Variants in PLXNC1 observed in about 807,000 individuals in gnomAD.
PLXNC1 encodes plexin-C1.
A neutral mutation model predicts 178.2 loss-of-function variants in PLXNC1; 75 were observed. The observed-to-expected ratio is 0.42, with a 90% CI of 0.35 to 0.51. PLXNC1 has a LOEUF of 0.51. PLXNC1 is among the 20% of genes least tolerant of loss of function. The pLI, the probability that PLXNC1 is intolerant of heterozygous loss-of-function variation, is 0.02. For synonymous variants in PLXNC1, 790 were observed against 779.9 expected (o/e 1.01, Z -0.22); for missense variants, 1,503 against 1,984.4 (o/e 0.76, Z 4.61).
intron 11 of PLXNC1, among the ~76,000 whole-genome samples, chr12:94,243,063 G>A (rs751921974): frequency 1.3e-5 from 2 of 152,252 alleles, no homozygotes; most frequent in African/African-American, 4.8e-5. Context: ...GGGAGATCAC[G>A]CTTGGCTCGG....
At chr12:94,219,811 A>ATTTG in intron 5 of PLXNC1, among the ~76,000 whole-genome samples, 1 of 85,300 alleles carries the variant, frequency 1.2e-5, no homozygotes, top group East Asian at 2.6e-4. Context: ...ATTTTTATTT[A>ATTTG]TTTATTTATT....
At chr12:94,173,560 C>T (rs373537396) in intron 2 of PLXNC1, among the ~76,000 whole-genome samples, 1 of 152,156 alleles carries the variant, frequency 6.6e-6, no homozygotes, top group Non-Finnish European at 1.5e-5. Context: ...TCAATACTCT[C>T]ACCATCCCCA....
rs755389545 is a variant in PLXNC1 at position 94,149,241 on chromosome 12, G to A, written c.270G>A (p.Pro90=). 3 of 1,559,808 alleles carry A rather than the reference G, an allele frequency of 1.9e-6. No individual in the cohort carries two copies. Among genetic ancestry groups the A allele is most frequent in the Non-Finnish European group, 2.6e-6 (3 of 1,160,098 alleles). Residue 90 remains proline, a synonymous_variant, in exon 1 of 31, where the codon CCG becomes CCA. Transcript: ENST00000258526. ...YRDQAGNCTE[P]VSLAPPARPR... ...ACCAAGCGGGCAACTGCACAGAGCCGGTCTCGCTGGCGCCCCCCGCGCGGC... is the reference window on the plus strand; with the variant it reads ...ACCAAGCGGGCAACTGCACAGAGCCAGTCTCGCTGGCGCCCCCCGCGCGGC...
chr12:94,277,813 C>T, intron 21 of PLXNC1: 1 of 387,724 alleles, frequency 2.6e-6, no homozygotes, highest in South Asian at 1.9e-5. Flanking sequence ...AGCAGCCTGG[C>T]CCCGTGCTAA....
chr12:94,240,453 C>CA, intron 10 of PLXNC1, 32 bp from the exon 11 acceptor site: 1 of 1,556,226 alleles, frequency 6.4e-7, no homozygotes, highest in Non-Finnish European at 8.8e-7. Context: ...GTGTCTGTGT[C>CA]ATGTGAGAGT....
rs138565450 is a variant in PLXNC1, at chr12:94,165,730, G to T, written c.1063-3423G>T. On this transcript the variant is annotated intron_variant, in intron 1 of 30. Transcript: ENST00000258526. ...AATGTTTAAAAGTTGAAGGTCTGCGGCTCAGTGGTGTCTCCAGGAACATAG... is the reference window on the plus strand; with the variant it reads ...AATGTTTAAAAGTTGAAGGTCTGCGTCTCAGTGGTGTCTCCAGGAACATAG... Among the ~76,000 whole-genome samples the T allele has an allele frequency of 1.3e-3, 194 of 152,194 alleles. 3 individuals carry two copies. Among genetic ancestry groups the T allele is most frequent in the African/African-American group, 4.4e-3 (184 of 41,542 alleles).
At position 94,186,463 on chromosome 12, in the gene PLXNC1, T is replaced by G; in HGVS notation, c.1429T>G (p.Ser477Ala). The part of the protein sequence containing the change: ...ATDPHCGWCH[S>A]LQRCTFQGDC... ...AGACCCTCACTGCGGTTGGTGCCAT[T>G]CGCTACAAAGGTATCTCCTGAATTC... The change falls in exon 4 of 31, where the codon TCG becomes GCG. Residue 477 changes from serine to alanine, a missense_variant. Coordinates refer to ENST00000258526, the MANE Select transcript of PLXNC1 (RefSeq NM_005761.3). 1 of 1,609,354 alleles carries G rather than the reference T, an allele frequency of 6.2e-7. No homozygotes were observed. The highest frequency in any genetic ancestry group is 8.5e-7 in the Non-Finnish European group (1 of 1,175,656).
At chr12:94,275,068 G>A (rs987380839) in intron 21 of PLXNC1, among the ~76,000 whole-genome samples, 3 of 152,180 alleles carry the variant, frequency 2.0e-5, no homozygotes, top group Non-Finnish European at 2.9e-5. Context: ...CCCTCAGCTG[G>A]TGAGCAGCAG....
chr12:94,255,007 G>A (rs541929115), intron 16 of PLXNC1, 119 bp downstream of exon 16: 23 of 948,538 alleles, frequency 2.4e-5, no homozygotes, highest in Middle Eastern at 3.0e-4. Context: ...AGAAGGCAAC[G>A]GAAGGGCAGG....
intron 23 of PLXNC1, among the ~76,000 whole-genome samples, chr12:94,290,445 A>AAG (rs1426742112): frequency 2.0e-5 from 3 of 152,264 alleles, no homozygotes; most frequent in African/African-American, 7.2e-5. Flanking sequence ...AGAGCTCAGT[A>AAG]AGAGTTAAGA....
intron 2 of PLXNC1, among the ~76,000 whole-genome samples, chr12:94,179,067 G>A (rs986108162): frequency 9.9e-5 from 15 of 152,198 alleles, no homozygotes; most frequent in Admixed American, 9.8e-4. Flanking sequence ...GTCACTGATC[G>A]CAGGGCAAAG....
At chr12:94,227,023 C>CA (rs986942923) in intron 8 of PLXNC1, 126 bp from the exon 9 acceptor site, 5,003 of 581,504 alleles carry the variant, frequency 8.6e-3, no homozygotes, top group East Asian at 0.012. Flanking sequence ...GACTCCGTCT[C>CA]AAAAAAAAAA....
chr12:94,160,573 T>G (rs1381900248), intron 1 of PLXNC1, among the ~76,000 whole-genome samples: 5 of 152,076 alleles, frequency 3.3e-5, no homozygotes, highest in Non-Finnish European at 7.4e-5. Flanking sequence ...TTTTAAAAAT[T>G]GGATTCCGAG....
intron 30 of PLXNC1, 71 bp from the exon 31 acceptor site, chr12:94,305,110 C>G (rs1165466301): frequency 2.3e-6 from 2 of 859,562 alleles, no homozygotes; most frequent in African/African-American, 3.4e-5. Flanking sequence ...CTCACAGCAT[C>G]AGGTATGCAA....
intron 12 of PLXNC1, among the ~76,000 whole-genome samples, chr12:94,247,219 GTGT>G (rs956650705): frequency 3.9e-5 from 6 of 152,084 alleles, no homozygotes; most frequent in Admixed American, 6.5e-5. Context: ...GCCTATTTAT[GTGT>G]TGTTGTTTTT....
At chr12:94,273,798 G>A (rs1258913283) in intron 21 of PLXNC1, among the ~76,000 whole-genome samples, 1 of 152,122 alleles carries the variant, frequency 6.6e-6, no homozygotes, top group Non-Finnish European at 1.5e-5. Context: ...CTGGCAGTTT[G>A]GCACATGCAG....
chr12:94,264,510 G>A (rs917078949), intron 20 of PLXNC1, among the ~76,000 whole-genome samples: 23 of 131,932 alleles, frequency 1.7e-4, no homozygotes, highest in East Asian at 4.4e-4. Flanking sequence ...TGCCCGGGCC[G>A]GGCCTGGCCT....
intron 23 of PLXNC1, among the ~76,000 whole-genome samples, chr12:94,293,034 A>C (rs1967519479): frequency 6.6e-6 from 1 of 152,062 alleles, no homozygotes; most frequent in Non-Finnish European, 1.5e-5. Flanking sequence ...CTAACATGAT[A>C]GTTTTGACTG....
chr12:94,191,220 C>T (rs1962709347), intron 4 of PLXNC1, among the ~76,000 whole-genome samples: 1 of 152,174 alleles, frequency 6.6e-6, no homozygotes, highest in Non-Finnish European at 1.5e-5. Flanking sequence ...AGCCTGGGTT[C>T]TGGCCTACAA....
Sources: allele counts gnomAD v4.1 joint callset (sites outside exome capture counted in the v4.1 genomes callset), GRCh38; gene constraint gnomAD v4.1.1; transcripts MANE v1.5; gene names NCBI Gene and HGNC (gene_info 2026-07-23, HGNC 2026-07-21).